Variants in NPTN observed in about 807,000 individuals in gnomAD.
NPTN encodes the protein neuroplastin.
In NPTN, 5 loss-of-function variants were observed where a neutral mutation model predicts 42.7. That is an observed-to-expected ratio of 0.12 (90% confidence interval 0.06 to 0.25). The LOEUF is 0.25. Ranked by LOEUF, NPTN falls within the 10% of genes least tolerant of loss-of-function variation. NPTN has a pLI of 1.00. For missense variants in NPTN, 307 were observed against 525.4 expected, an observed-to-expected ratio of 0.58 and a Z score of 4.06; for synonymous variants, 180 against 201.9, an observed-to-expected ratio of 0.89 and a Z score of 0.92.
At chr15:73,593,018 C>A (rs1009455467) in intron 2 of NPTN, among the ~76,000 whole-genome samples, 3 of 152,112 alleles carry the variant, frequency 2.0e-5, no homozygotes, top group Non-Finnish European at 1.5e-5. Flanking sequence ...AATTCTCTAT[C>A]CTTGCCCCCC....
intron 1 of NPTN, among the ~76,000 whole-genome samples, chr15:73,598,695 A>C (rs1351957241): frequency 6.6e-6 from 1 of 152,210 alleles, no homozygotes; most frequent in Non-Finnish European, 1.5e-5. Flanking sequence ...GCATAAGCCA[A>C]GCCAGCCCCT....
Position 73,591,758 on chromosome 15 carries a change from A to G in NPTN, c.611+208T>C, listed in dbSNP as rs544438648. Reference sequence around the variant, plus strand: ...TATGATTATAGTGAGGGGATCATCTATGATTCTCCAATCTGGCTGCTCATT... The same window carrying G: ...TATGATTATAGTGAGGGGATCATCTGTGATTCTCCAATCTGGCTGCTCATT... On this transcript the variant is annotated intron_variant, in intron 3 of 8. Transcript: ENST00000345330. The G allele has an allele frequency of 6.6e-6, 3 of 451,486 alleles. No individual in the cohort carries two copies. The South Asian group carries it at 1.2e-4, about 18-fold the overall frequency. The allele number at this position is 451,486 out of a possible 1,614,324, so 28.0% of individuals were successfully genotyped here. A position where few individuals can be genotyped will look rare whatever the true frequency, so the allele number is the denominator to read the frequency against.
intron 4 of NPTN, among the ~76,000 whole-genome samples, chr15:73,580,436 TATATA>T (rs1895945666): frequency 1.2e-5 from 1 of 80,178 alleles, no homozygotes; most frequent in East Asian, 3.3e-4. Context: ...ATATATAATA[TATATA>T]ATATATATGT....
intron 2 of NPTN, among the ~76,000 whole-genome samples, chr15:73,594,426 A>G (rs536405686): frequency 6.6e-6 from 1 of 152,370 alleles, no homozygotes; most frequent in South Asian, 2.1e-4. Flanking sequence ...TAAGTGTTAA[A>G]GATCCAGGAG....
At chr15:73,592,934 A>G (rs996948395) in intron 2 of NPTN, among the ~76,000 whole-genome samples, 8 of 152,188 alleles carry the variant, frequency 5.3e-5, no homozygotes, top group Non-Finnish European at 1.2e-4. Context: ...TAAGAGCTGG[A>G]AAAGTGAAAT....
intron 1 of NPTN, among the ~76,000 whole-genome samples, chr15:73,613,097 C>T (rs1000209300): frequency 6.6e-6 from 1 of 152,134 alleles, no homozygotes; most frequent in Non-Finnish European, 1.5e-5. Flanking sequence ...TAAGATTAAG[C>T]AATTAGAGTG....
chr15:73,568,109 CA>C, intron 6 of NPTN: 4 of 985,374 alleles, frequency 4.1e-6, no homozygotes, highest in Non-Finnish European at 4.8e-6. Flanking sequence ...AAAACTCTTA[CA>C]AAAAAAGAGC....
intron 1 of NPTN, among the ~76,000 whole-genome samples, chr15:73,625,797 C>T (rs930776311): frequency 6.6e-6 from 1 of 151,992 alleles, no homozygotes; most frequent in African/African-American, 2.4e-5. Flanking sequence ...AAGGGTGTAG[C>T]TGAAACTAGA....
intron 4 of NPTN, among the ~76,000 whole-genome samples, chr15:73,584,133 A>G (rs745833635): frequency 2.0e-5 from 3 of 152,198 alleles, no homozygotes; most frequent in Non-Finnish European, 4.4e-5. Context: ...AGATGAACCT[A>G]GTAAGACAAC....
chr15:73,595,235 T>G (rs1242751500), intron 2 of NPTN, among the ~76,000 whole-genome samples: 5 of 152,130 alleles, frequency 3.3e-5, no homozygotes, highest in Non-Finnish European at 7.4e-5. Flanking sequence ...CCCAGCCCAG[T>G]CCATACCTAT....
At chr15:73,581,131 G>C (rs1896023185) in intron 4 of NPTN, among the ~76,000 whole-genome samples, 1 of 152,102 alleles carries the variant, frequency 6.6e-6, no homozygotes, top group African/African-American at 2.4e-5. Flanking sequence ...CTCCCCATTT[G>C]CTGATACAAA....
chr15:73,571,762 T>C (rs1383347765), intron 5 of NPTN, among the ~76,000 whole-genome samples: 4 of 151,948 alleles, frequency 2.6e-5, no homozygotes, highest in Non-Finnish European at 2.9e-5. Context: ...CAATCAGAAA[T>C]AGGAGAGAAA....
At position 73,597,740 on chromosome 15, in the gene NPTN, C is replaced by A. The variant is rs892802412; in HGVS notation, c.92-371G>T. ...CCTTAGAACACAAACCATTTATTAC[C>A]TTTTTAAACTCAGGCAAGTGATGAA... On this transcript the variant is annotated intron_variant, in intron 1 of 8. Transcript: ENST00000345330. This position sits in a 1 kb window ranked among gnomAD's most constrained non-coding sequence, Gnocchi z 6.3. Among the ~76,000 whole-genome samples the A allele has an allele frequency of 6.6e-6, 1 of 152,160 alleles. No homozygotes were observed. The highest frequency in any genetic ancestry group is 1.5e-5 in the Non-Finnish European group (1 of 68,026).
intron 1 of NPTN, among the ~76,000 whole-genome samples, chr15:73,615,100 T>C (rs1284954748): frequency 1.3e-5 from 2 of 152,028 alleles, no homozygotes; most frequent in Non-Finnish European, 2.9e-5. Context: ...CTAAAAGAGA[T>C]GGATGTTCAC....
chr15:73,593,384 A>G (rs1013010637), intron 2 of NPTN, among the ~76,000 whole-genome samples: 7 of 152,148 alleles, frequency 4.6e-5, no homozygotes, highest in Non-Finnish European at 8.8e-5. Flanking sequence ...TTTCCCAACC[A>G]CAATAAGAGG....
chr15:73,609,662 C>T (rs1156924023), intron 1 of NPTN, among the ~76,000 whole-genome samples: 2 of 152,020 alleles, frequency 1.3e-5, no homozygotes, highest in African/African-American at 4.8e-5. Flanking sequence ...AAAACACACA[C>T]AAAGAATCCT....
intron 3 of NPTN, among the ~76,000 whole-genome samples, chr15:73,588,634 T>C (rs2052455183): frequency 6.6e-6 from 1 of 152,186 alleles, no homozygotes; most frequent in African/African-American, 2.4e-5. Flanking sequence ...ACACAAGATG[T>C]TCCTTTACAG....
chr15:73,620,883 C>T (rs1898104488), intron 1 of NPTN, among the ~76,000 whole-genome samples: 1 of 152,194 alleles, frequency 6.6e-6, no homozygotes, highest in African/African-American at 2.4e-5. Flanking sequence ...TGGGCTACTT[C>T]AATGTCTTTC....
intron 1 of NPTN, among the ~76,000 whole-genome samples, chr15:73,623,496 G>A (rs1898237721): frequency 6.6e-6 from 1 of 152,126 alleles, no homozygotes; most frequent in Non-Finnish European, 1.5e-5. Flanking sequence ...AGACCAGCCT[G>A]GGCAACATAG....
Sources: gnomAD v4.1 joint callset for allele counts (sites outside exome capture counted in the v4.1 genomes callset) on GRCh38, gnomAD v4.1.1 for gene constraint, Gnocchi (gnomAD v3.1) non-coding constraint, MANE v1.5 for transcripts, NCBI Gene and HGNC (gene_info 2026-07-23, HGNC 2026-07-21) for gene names.